DNAJC6: variants seen among roughly 807,000 people sequenced by gnomAD.
DNAJC6 encodes DnaJ heat shock protein family (Hsp40) member C6.
A neutral mutation model predicts 110.0 loss-of-function variants in DNAJC6; 34 were observed. That is an observed-to-expected ratio of 0.31 (90% CI 0.24 to 0.41). The LOEUF (loss-of-function observed/expected upper bound fraction) is 0.41, where lower values mean the gene tolerates loss of function less well. DNAJC6 is among the 10% of genes least tolerant of loss of function. The pLI, the probability that DNAJC6 is intolerant of heterozygous loss-of-function variation, is 1.00. For synonymous variants in DNAJC6, 406 were observed against 437.2 expected (o/e 0.93, Z 0.89); for missense variants, 1,031 against 1,207.8 (o/e 0.85, Z 2.17).
In DNAJC6 at chr1:65,392,736, G is replaced by T. The variant is rs1483662646; in HGVS notation, c.1774G>T (p.Gly592Cys). The change falls in exon 12 of 19, where the codon GGT becomes TGT. Residue 592 changes from glycine (G) to cysteine (C), a missense_variant. Gly to Cys is a radical substitution (Grantham distance 159, BLOSUM62 -3). Transcript: ENST00000371069. ...CCTGTTTGGGGGTGGAGGTGCAGCTGGTCCCACCCAGGCTGGACAGTCAGG... is the reference window on the plus strand; with the variant it reads ...CCTGTTTGGGGGTGGAGGTGCAGCTTGTCCCACCCAGGCTGGACAGTCAGG... Reference protein sequence around the residue: ...SDLFGGGGAAGPTQAGQSGVE... With the variant: ...SDLFGGGGAACPTQAGQSGVE... The T allele has an allele frequency of 6.2e-6, 10 of 1,612,802 alleles. No individual in the cohort carries two copies. The highest frequency in any genetic ancestry group is 8.5e-6 in the Non-Finnish European group (10 of 1,179,534).
chr1:65,394,440 G>A (rs1465907726), intron 12 of DNAJC6, among the ~76,000 whole-genome samples: 1 of 152,172 alleles, frequency 6.6e-6, no homozygotes, highest in East Asian at 1.9e-4. Context: ...AATCTTCTCA[G>A]TTGTAAAATG....
chr1:65,274,621 C>G (rs1303727085), intron 1 of DNAJC6, among the ~76,000 whole-genome samples: 1 of 151,992 alleles, frequency 6.6e-6, no homozygotes, highest in African/African-American at 2.4e-5. Context: ...CCAGCCTATA[C>G]TTTACTTTTT....
chr1:65,355,303 AG>A (rs1645532530), intron 1 of DNAJC6, among the ~76,000 whole-genome samples: 1 of 151,420 alleles, frequency 6.6e-6, no homozygotes, highest in Non-Finnish European at 1.5e-5. Flanking sequence ...GATTATCCTA[AG>A]GGCCCTGGCA....
chr1:65,396,726 C>G (rs1363200329), intron 13 of DNAJC6, among the ~76,000 whole-genome samples: 1 of 152,080 alleles, frequency 6.6e-6, no homozygotes, highest in Non-Finnish European at 1.5e-5. Context: ...TTTGTCATCT[C>G]TCTCTCTCTA....
intron 1 of DNAJC6, among the ~76,000 whole-genome samples, chr1:65,317,795 T>C (rs1007420116): frequency 6.6e-6 from 1 of 152,256 alleles, no homozygotes; most frequent in Non-Finnish European, 1.5e-5. Context: ...GAATAAATAG[T>C]ATAATAATAG....
intron 4 of DNAJC6, among the ~76,000 whole-genome samples, chr1:65,379,107 A>G (rs1357950871): frequency 1.3e-5 from 2 of 152,224 alleles, no homozygotes; most frequent in African/African-American, 2.4e-5. Context: ...ATGAAATTCT[A>G]TGTAACCTCA....
At chr1:65,328,036 G>T (rs1176462378) in intron 1 of DNAJC6, among the ~76,000 whole-genome samples, 2 of 151,660 alleles carry the variant, frequency 1.3e-5, no homozygotes, top group Non-Finnish European at 2.9e-5. Flanking sequence ...TAATATGATG[G>T]GAAGATATTC....
At chr1:65,336,202 C>T (rs1240773550) in intron 1 of DNAJC6, among the ~76,000 whole-genome samples, 1 of 152,114 alleles carries the variant, frequency 6.6e-6, no homozygotes, top group African/African-American at 2.4e-5. Flanking sequence ...TATCCTTCTT[C>T]ATGCAGCAGC....
intron 1 of DNAJC6, among the ~76,000 whole-genome samples, chr1:65,321,168 C>T (rs1645193754): frequency 6.6e-6 from 1 of 152,200 alleles, no homozygotes; most frequent in African/African-American, 2.4e-5. Context: ...AGCAATTATA[C>T]TGTTCAACAC....
At chr1:65,304,713 T>C (rs1223954002), upstream of DNAJC6, among the ~76,000 whole-genome samples, 1 of 152,200 alleles carries the variant, frequency 6.6e-6, no homozygotes, top group Admixed American at 6.5e-5. Flanking sequence ...TTGGCATCTC[T>C]CTTGGGGGTA....
At chr1:65,402,657 C>T (rs1396128424) in intron 15 of DNAJC6, among the ~76,000 whole-genome samples, 1 of 152,200 alleles carries the variant, frequency 6.6e-6, no homozygotes, top group Non-Finnish European at 1.5e-5. Context: ...AAAGGTTTAT[C>T]TTGGCTATAT....
intron 1 of DNAJC6, among the ~76,000 whole-genome samples, chr1:65,283,087 A>G (rs1406342959): frequency 6.6e-6 from 1 of 152,230 alleles, no homozygotes; most frequent in Non-Finnish European, 1.5e-5. Context: ...TTATACCACC[A>G]TAGTACAATA....
At chr1:65,294,759 T>G (rs1644913527) in intron 1 of DNAJC6, among the ~76,000 whole-genome samples, 1 of 152,234 alleles carries the variant, frequency 6.6e-6, no homozygotes, top group African/African-American at 2.4e-5. Context: ...TTGTAAAAAT[T>G]TATTTTGGCT....
At chr1:65,306,994 CTCTCTCTCTCTCTCTCTCTCTCTCTATA>C (rs999979522), upstream of DNAJC6, among the ~76,000 whole-genome samples, 12 of 112,108 alleles carry the variant, frequency 1.1e-4, no homozygotes, top group African/African-American at 3.3e-4. Flanking sequence ...CTCTCTCTCT[CTCTCTCTCTCTCTCTCTCTCTCTCTATA>C]TATATATATA....
intron 1 of DNAJC6, among the ~76,000 whole-genome samples, chr1:65,320,104 T>C (rs1645184628): frequency 6.6e-6 from 1 of 152,224 alleles, no homozygotes; most frequent in African/African-American, 2.4e-5. Context: ...CAATTGCATC[T>C]GGCTTACCTA....
At chr1:65,362,730 G>A (rs1250541739) in intron 1 of DNAJC6, among the ~76,000 whole-genome samples, 1 of 152,126 alleles carries the variant, frequency 6.6e-6, no homozygotes, top group Non-Finnish European at 1.5e-5. Flanking sequence ...AATGACTCAC[G>A]CTCTTGACTG....
intron 8 of DNAJC6, among the ~76,000 whole-genome samples, chr1:65,388,133 T>C (rs1645890114): frequency 6.6e-6 from 1 of 152,148 alleles, no homozygotes. Flanking sequence ...GAGAAAATGG[T>C]TTGCCAAGGC....
chr1:65,301,475 C>A (rs1310078796), intron 1 of DNAJC6, among the ~76,000 whole-genome samples: 2 of 152,166 alleles, frequency 1.3e-5, no homozygotes. Flanking sequence ...TTTCAGACAC[C>A]AGTTGCAAGT....
chr1:65,306,664 A>C (rs1000271200), upstream of DNAJC6: 1 of 152,192 alleles, frequency 6.6e-6, no homozygotes, highest in Non-Finnish European at 1.5e-5. Context: ...CCGTTGTCTC[A>C]TGTATGATGT....
Sources: allele counts gnomAD v4.1 joint callset (sites outside exome capture counted in the v4.1 genomes callset), GRCh38; gene constraint gnomAD v4.1.1; transcripts MANE v1.5; gene names NCBI Gene and HGNC (gene_info 2026-07-23, HGNC 2026-07-21).